Variants in OPCML observed in about 807,000 individuals in gnomAD.
The protein encoded by OPCML is opioid-binding protein/cell adhesion molecule.
OPCML carries 13 observed loss-of-function variants against 37.8 expected under a neutral mutation model. The observed-to-expected ratio is 0.34, with a 90% CI of 0.22 to 0.55. OPCML has a LOEUF of 0.55. Ranked by LOEUF, OPCML falls within the 20% of genes least tolerant of loss-of-function variation. The pLI, the probability that OPCML is intolerant of heterozygous loss-of-function variation, is 0.91. For missense variants in OPCML, 341 were observed against 435.6 expected (o/e 0.78, Z 1.93); for synonymous variants, 176 against 168.8 (o/e 1.04, Z -0.33).
rs1419666285 is a variant in OPCML, at chr11:132,657,334, G to C, written c.147-15C>G. ...CTATGGTACACCTGCAGTGAGGCAG[G>C]GAGTGGTGGAGGGAGGAAGAAGGGA... On this transcript the variant is annotated splice_polypyrimidine_tract_variant and intron_variant, in intron 2 of 7. Transcript: ENST00000524381. 6.2e-7 allele frequency: 1 copy of C among 1,613,078 alleles called. No individual in the cohort carries two copies. Among genetic ancestry groups the C allele is most frequent in the Non-Finnish European group, 8.5e-7 (1 of 1,179,170 alleles).
chr11:132,636,640 G>A (rs181355498), intron 3 of OPCML, among the ~76,000 whole-genome samples: 1 of 152,330 alleles, frequency 6.6e-6, no homozygotes, highest in Non-Finnish European at 1.5e-5. Context: ...ACAGAACTGT[G>A]AGTGGAGAGG....
chr11:132,770,786 C>A (rs1223162601), intron 2 of OPCML, among the ~76,000 whole-genome samples: 2 of 152,046 alleles, frequency 1.3e-5, no homozygotes, highest in Non-Finnish European at 2.9e-5. Flanking sequence ...AAGCCTGTGG[C>A]AAAAATTAGG....
chr11:132,999,161 G>A lies in OPCML; in HGVS notation c.62-56151C>T, dbSNP rs543031202. On this transcript the variant is annotated intron_variant, in intron 1 of 7. Coordinates refer to ENST00000524381, the MANE Select transcript of OPCML (RefSeq NM_001012393.5). Reference sequence around the variant, plus strand: ...AGCAGTCCTGCCCTATCTGGCAGGAGCTCTTCTCAGCTCATCATAGGGATG... The same window carrying A: ...AGCAGTCCTGCCCTATCTGGCAGGAACTCTTCTCAGCTCATCATAGGGATG... 9.8e-5 allele frequency among the ~76,000 whole-genome samples: 15 copies of A among 152,302 alleles called. No homozygotes were observed. The South Asian group carries it at 2.9e-3, about 29-fold the overall frequency.
At chr11:132,795,221 T>C (rs1938236339) in intron 2 of OPCML, among the ~76,000 whole-genome samples, 1 of 152,254 alleles carries the variant, frequency 6.6e-6, no homozygotes, top group African/African-American at 2.4e-5. Context: ...ATTTTTCTTA[T>C]CTTTTAAATA....
At chr11:132,914,491 A>G (rs1205527112) in intron 2 of OPCML, among the ~76,000 whole-genome samples, 5 of 152,184 alleles carry the variant, frequency 3.3e-5, no homozygotes, top group African/African-American at 1.2e-4. Context: ...ATAACCAGAA[A>G]TTAAAATTTG....
intron 1 of OPCML, among the ~76,000 whole-genome samples, chr11:133,214,329 C>T (rs2136347613): frequency 6.6e-6 from 1 of 152,168 alleles, no homozygotes; most frequent in East Asian, 1.9e-4. Flanking sequence ...AATTTGTACA[C>T]TTTATGTGGT....
At chr11:133,518,841 G>T (rs1948344587) in intron 1 of OPCML, among the ~76,000 whole-genome samples, 1 of 152,024 alleles carries the variant, frequency 6.6e-6, no homozygotes, top group South Asian at 2.1e-4. Context: ...AAGATCTGTG[G>T]CAGCCACTGT....
chr11:133,308,152 A>G (rs1416613093), intron 1 of OPCML, among the ~76,000 whole-genome samples: 1 of 152,142 alleles, frequency 6.6e-6, no homozygotes, highest in African/African-American at 2.4e-5. Flanking sequence ...AAGTGAATAA[A>G]CCTGACTACC....
chr11:133,206,481 C>G lies in OPCML; in HGVS notation c.62-263471G>C, dbSNP rs903223958. 2.4e-4 allele frequency among the ~76,000 whole-genome samples: 37 copies of G among 152,172 alleles called. No homozygotes were observed. On this transcript the variant is annotated intron_variant, in intron 1 of 7. Coordinates refer to ENST00000524381, the MANE Select transcript of OPCML (RefSeq NM_001012393.5). This position sits in a 1 kb window ranked among gnomAD's most constrained non-coding sequence, Gnocchi z 4.7. The stretch of plus-strand genomic sequence containing the variant: ...TCTTGAACTGCTGGATTCTATGATT[C>G]TTCCGTTAAAGTTGTGAAAGCGTGT...
At chr11:133,108,263 A>C (rs1949191841) in intron 1 of OPCML, among the ~76,000 whole-genome samples, 1 of 152,192 alleles carries the variant, frequency 6.6e-6, no homozygotes, top group Admixed American at 6.5e-5. Flanking sequence ...TATGCAACTC[A>C]GTTTTCAGTC....
chr11:132,759,540 T>A (rs1021305862), intron 2 of OPCML, among the ~76,000 whole-genome samples: 1 of 152,166 alleles, frequency 6.6e-6, no homozygotes, highest in Admixed American at 6.5e-5. Flanking sequence ...AGGGTGTATG[T>A]GTCCAAGAAT....
At chr11:133,381,729 AG>A (rs1944933687) in intron 1 of OPCML, among the ~76,000 whole-genome samples, 1 of 152,232 alleles carries the variant, frequency 6.6e-6, no homozygotes, top group African/African-American at 2.4e-5. Context: ...TACCTGCCAA[AG>A]GATCTATGAT....
At chr11:133,141,840 C>A (rs950709197) in intron 1 of OPCML, among the ~76,000 whole-genome samples, 1 of 152,154 alleles carries the variant, frequency 6.6e-6, no homozygotes, top group Admixed American at 6.5e-5. Context: ...CTTCACTATC[C>A]CCTAATTTCA....
intron 3 of OPCML, among the ~76,000 whole-genome samples, chr11:132,645,846 T>G (rs1382176735): frequency 2.6e-5 from 4 of 152,264 alleles, no homozygotes; most frequent in Admixed American, 2.6e-4. Flanking sequence ...GGCTAATGGC[T>G]ACCACGTTGA....
At chr11:133,266,895 T>C (rs1941677096) in intron 1 of OPCML, among the ~76,000 whole-genome samples, 1 of 152,222 alleles carries the variant, frequency 6.6e-6, no homozygotes, top group Non-Finnish European at 1.5e-5. Context: ...ATGGATGTGA[T>C]GAGATGTCCT....
chr11:132,449,688 G>A (rs1423134926), intron 4 of OPCML, among the ~76,000 whole-genome samples: 1 of 152,124 alleles, frequency 6.6e-6, no homozygotes, highest in Non-Finnish European at 1.5e-5. Context: ...CAGGTTCAGA[G>A]GTGCCAAATG....
chr11:132,443,583 C>T (rs2096044030), intron 4 of OPCML, among the ~76,000 whole-genome samples: 1 of 152,244 alleles, frequency 6.6e-6, no homozygotes, highest in Non-Finnish European at 1.5e-5. Context: ...ATCTTAGAAA[C>T]AAGCCTTTTA....
At chr11:132,585,762 G>C (rs2096471291) in intron 3 of OPCML, among the ~76,000 whole-genome samples, 1 of 152,146 alleles carries the variant, frequency 6.6e-6, no homozygotes, top group Non-Finnish European at 1.5e-5. Flanking sequence ...AGAAGTCTGA[G>C]GATAGTTACC....
At chr11:132,789,352 A>T (rs1479102324) in intron 2 of OPCML, among the ~76,000 whole-genome samples, 2 of 152,252 alleles carry the variant, frequency 1.3e-5, no homozygotes, top group African/African-American at 4.8e-5. Flanking sequence ...ACAGAAAGTT[A>T]TAACATGAAA....
Sources: allele counts gnomAD v4.1 joint callset (sites outside exome capture counted in the v4.1 genomes callset), GRCh38; gene constraint gnomAD v4.1.1; non-coding constraint Gnocchi (gnomAD v3.1); transcripts MANE v1.5; gene names NCBI Gene and HGNC (gene_info 2026-07-23, HGNC 2026-07-21).